GRIP2: variants seen among roughly 807,000 people sequenced by gnomAD.
GRIP2 encodes glutamate receptor interacting protein 2.
Under a neutral mutation model 108.3 loss-of-function variants are expected in GRIP2, and 58 were observed. The ratio of observed to expected loss-of-function variants is 0.54; its 90% CI spans 0.43 to 0.67. The LOEUF is 0.67. Among genes scored for constraint, GRIP2 ranks in the 30% least tolerant of loss-of-function variants. The pLI, the probability that GRIP2 is intolerant of heterozygous loss-of-function variation, is 0.00. For synonymous variants in GRIP2, 586 were observed against 598.2 expected, an observed-to-expected ratio of 0.98 and a Z score of 0.30; for missense variants, 1,278 against 1,430.6, an observed-to-expected ratio of 0.89 and a Z score of 1.72.
Position 14,512,180 on chromosome 3 carries a change from C to A in GRIP2, c.1720+597G>T, listed in dbSNP as rs1026119492. 6.6e-6 allele frequency among the ~76,000 whole-genome samples: 1 copy of A among 152,136 alleles called. No homozygotes were observed. Among genetic ancestry groups the A allele is most frequent in the African/African-American group, 2.4e-5 (1 of 41,412 alleles). On this transcript the variant is annotated intron_variant, in intron 14 of 23. Transcript: ENST00000621039. This position sits in a 1 kb window ranked among gnomAD's most constrained non-coding sequence, Gnocchi z 5.1. ...AGGAAGGGGCAGGCATGGCAGGGAG[C>A]AGCCAGGCTGACTGCGGCTGGAGGG... is the stretch of plus-strand genomic sequence containing the variant.
the GRIP2 span, among the ~76,000 whole-genome samples, chr3:14,582,767 G>A: frequency 2.0e-5 from 3 of 152,184 alleles, no homozygotes; most frequent in African/African-American, 4.8e-5. Context: ...TCTATCCCCT[G>A]ATTCTGCTTC....
the GRIP2 span, chr3:14,573,001 T>C: frequency 6.8e-7 from 1 of 1,475,206 alleles, no homozygotes. Flanking sequence ...ACCTGAAAGA[T>C]GATGATCAGG....
the GRIP2 span, among the ~76,000 whole-genome samples, chr3:14,567,731 T>C: frequency 6.6e-6 from 1 of 152,256 alleles, no homozygotes; most frequent in Non-Finnish European, 1.5e-5. Context: ...ATTCACTTGC[T>C]CATGTGCTGG....
At chr3:14,523,962 G>A (rs945771901) in intron 4 of GRIP2, 2 of 528,586 alleles carry the variant, frequency 3.8e-6, no homozygotes, top group African/African-American at 1.9e-5. Flanking sequence ...GTCCATGGCT[G>A]GTAGGCTCAG....
chr3:14,494,774 G>A (rs1409164227), intron 23 of GRIP2, 69 bp downstream of exon 23: 1 of 1,523,116 alleles, frequency 6.6e-7, no homozygotes, highest in African/African-American at 1.4e-5. Context: ...GATAGATGCA[G>A]GCTCTTTCCC....
At chr3:14,541,543 C>G (rs1325736167), upstream of GRIP2, among the ~76,000 whole-genome samples, 1 of 152,232 alleles carries the variant, frequency 6.6e-6, no homozygotes, top group African/African-American at 2.4e-5. Flanking sequence ...TCCTGGGCCG[C>G]CCCACACTGG....
At chr3:14,514,679 C>T (rs962059104) in intron 11 of GRIP2, among the ~76,000 whole-genome samples, 1 of 152,190 alleles carries the variant, frequency 6.6e-6, no homozygotes, top group Non-Finnish European at 1.5e-5. Flanking sequence ...TGATTCCCAC[C>T]TCGTGGGGTG....
upstream of GRIP2, among the ~76,000 whole-genome samples, chr3:14,558,798 C>T (rs1468460877): frequency 1.3e-5 from 2 of 152,202 alleles, no homozygotes; most frequent in Non-Finnish European, 1.5e-5. Flanking sequence ...CAGGAGCCTA[C>T]AGTTATGTGC....
upstream of GRIP2, among the ~76,000 whole-genome samples, chr3:14,558,930 T>C (rs1461940213): frequency 6.6e-6 from 1 of 152,200 alleles, no homozygotes; most frequent in Non-Finnish European, 1.5e-5. Flanking sequence ...CCTACGGCTG[T>C]CCTGGGTCAA....
chr3:14,573,497 C>G, the GRIP2 span: 2 of 1,546,366 alleles, frequency 1.3e-6, no homozygotes, highest in Non-Finnish European at 1.8e-6. Flanking sequence ...AAGGCAGGAG[C>G]CCACACACAT....
chr3:14,533,225 G>A (rs1694755431), intron 1 of GRIP2, among the ~76,000 whole-genome samples: 1 of 152,204 alleles, frequency 6.6e-6, no homozygotes, highest in Non-Finnish European at 1.5e-5. Context: ...AAATCAAAAA[G>A]ACTGGGTTCT....
At chr3:14,573,464 G>T in the GRIP2 span, 1 of 1,533,946 alleles carries the variant, frequency 6.5e-7, no homozygotes, top group Non-Finnish European at 9.0e-7. Flanking sequence ...GGTAGAACTG[G>T]TCAGGCACCT....
In GRIP2 at chr3:14,512,723, TC is replaced by T. The variant is rs1474773925; in HGVS notation, c.1720+53del. On this transcript the variant is annotated intron_variant, in intron 14 of 23. Transcript: ENST00000621039. This position sits in a 1 kb window ranked among gnomAD's most constrained non-coding sequence, Gnocchi z 5.1. Reference sequence around the variant, plus strand: ...TGGTCTGAGCTTGGCAAGCTCTTTTTCCCCAGCAGTTGAGCTCGCTCCCAGG... The same window carrying T: ...TGGTCTGAGCTTGGCAAGCTCTTTTTCCCAGCAGTTGAGCTCGCTCCCAGG... 39 of 1,532,056 alleles carry T rather than the reference TC, an allele frequency of 2.5e-5. 1 individual carries two copies. Among genetic ancestry groups the T allele is most frequent in the Non-Finnish European group, 1.2e-5 (13 of 1,110,196 alleles). 94.9% of individuals were successfully genotyped at this position (1,532,056 alleles called of 1,614,324 possible). A position where few individuals can be genotyped will look rare whatever the true frequency, so the allele number is the denominator to read the frequency against.
Position 14,490,529 on chromosome 3 carries a change from C to A in GRIP2, c.*3136G>T, listed in dbSNP as rs1252357546. 4 of 152,424 alleles carry A rather than the reference C, an allele frequency of 2.6e-5. 1 individual carries two copies. In the South Asian group the frequency reaches 8.3e-4, roughly 31 times the overall value. 9.4% of individuals were successfully genotyped at this position (152,424 alleles called of 1,614,324 possible). A position where few individuals can be genotyped will look rare whatever the true frequency, so the allele number is the denominator to read the frequency against. The stretch of plus-strand genomic sequence containing the variant: ...CAGCAGCCAGACCTGAGGCTGCCCT[C>A]CTGCCACTACCTTCCCAACCTGGGC... On this transcript the variant is annotated 3_prime_UTR_variant, in exon 24 of 24. Transcript: ENST00000621039.
At chr3:14,575,748 A>G in the GRIP2 span, among the ~76,000 whole-genome samples, 6 of 152,334 alleles carry the variant, frequency 3.9e-5, no homozygotes, top group South Asian at 1.2e-3. Flanking sequence ...GTCGTAAGGG[A>G]GGCAGCTGGC....
intron 1 of GRIP2, among the ~76,000 whole-genome samples, chr3:14,530,693 G>A (rs998522687): frequency 3.9e-5 from 6 of 152,054 alleles, no homozygotes; most frequent in South Asian, 2.1e-4. Context: ...TATACAGTTC[G>A]TTTTATATTC....
At chr3:14,499,800 C>T (rs1693718539) in intron 21 of GRIP2, among the ~76,000 whole-genome samples, 1 of 151,962 alleles carries the variant, frequency 6.6e-6, no homozygotes, top group African/African-American at 2.4e-5. Flanking sequence ...CAGGGGTGTC[C>T]AAACTATTGG....
At chr3:14,513,398 C>T (rs1694154818) in intron 13 of GRIP2, among the ~76,000 whole-genome samples, 1 of 152,202 alleles carries the variant, frequency 6.6e-6, no homozygotes, top group Non-Finnish European at 1.5e-5. Flanking sequence ...CTTTGCCTAA[C>T]CCATGCTGAG....
At chr3:14,584,813 A>T in the GRIP2 span, among the ~76,000 whole-genome samples, 1 of 152,252 alleles carries the variant, frequency 6.6e-6, no homozygotes, top group South Asian at 2.1e-4. Flanking sequence ...TCTCCCCTGG[A>T]ATCACTCCTG....
Sources: gnomAD v4.1 joint callset for allele counts (sites outside exome capture counted in the v4.1 genomes callset) on GRCh38, gnomAD v4.1.1 for gene constraint, Gnocchi (gnomAD v3.1) non-coding constraint, MANE v1.5 for transcripts, NCBI Gene and HGNC (gene_info 2026-07-23, HGNC 2026-07-21) for gene names.